The following NRXN3 variants were observed in gnomAD, a reference collection of about 807,000 sequenced individuals.
NRXN3 encodes neurexin III.
NRXN3 carries 32 observed loss-of-function variants against 137.6 expected under a neutral mutation model. That is an observed-to-expected ratio of 0.23 (90% CI 0.18 to 0.31). The LOEUF (loss-of-function observed/expected upper bound fraction) is 0.31, where lower values mean the gene tolerates loss of function less well. Among genes scored for constraint, NRXN3 ranks in the 10% least tolerant of loss-of-function variants. The pLI, the probability that NRXN3 is intolerant of heterozygous loss-of-function variation, is 1.00. For missense variants in NRXN3, 1,574 were observed against 2,062.5 expected (o/e 0.76, Z 4.59); for synonymous variants, 798 against 784.5 (o/e 1.02, Z -0.29).
chr14:79,143,053 A>G (rs2058963971), intron 15 of NRXN3, among the ~76,000 whole-genome samples: 1 of 152,222 alleles, frequency 6.6e-6, no homozygotes, highest in African/African-American at 2.4e-5. Flanking sequence ...GTATCTTCAT[A>G]TAAAAGCAGT....
chr14:79,577,735 C>T (rs185800340), intron 16 of NRXN3, among the ~76,000 whole-genome samples: 226 of 152,286 alleles, frequency 1.5e-3, no homozygotes, highest in African/African-American at 5.1e-3. Flanking sequence ...GAGCTCCATA[C>T]ATGTGTATTG....
At chr14:78,476,108 T>G (rs2095372868) in intron 4 of NRXN3, among the ~76,000 whole-genome samples, 3 of 152,226 alleles carry the variant, frequency 2.0e-5, no homozygotes, top group African/African-American at 7.2e-5. Context: ...ACAAATCCAT[T>G]AAACTAATAC....
At chr14:79,315,456 G>A (rs2088374339) in intron 15 of NRXN3, among the ~76,000 whole-genome samples, 1 of 152,132 alleles carries the variant, frequency 6.6e-6, no homozygotes, top group Non-Finnish European at 1.5e-5. Context: ...AGTTTAAACA[G>A]CCTTTACAGA....
intron 15 of NRXN3, among the ~76,000 whole-genome samples, chr14:79,164,739 A>G (rs1486108740): frequency 1.3e-5 from 2 of 152,022 alleles, no homozygotes; most frequent in Non-Finnish European, 2.9e-5. Context: ...AAGAGAAATT[A>G]ACAGGTCATT....
chr14:78,213,099 G>A (rs1364763778), intron 1 of NRXN3, among the ~76,000 whole-genome samples: 3 of 152,164 alleles, frequency 2.0e-5, no homozygotes, highest in Non-Finnish European at 2.9e-5. Flanking sequence ...AACTCATCTA[G>A]TGCTTTCCTT....
rs191476725 is a variant in NRXN3 at position 78,243,090 on chromosome 14, G to A, written c.-4G>A. Reference sequence around the variant, plus strand: ...CTCCTCCGGGCTCTGTCCCAGCAGCGACAATGAGCTCCACACTCCACTCGG... The same window carrying A: ...CTCCTCCGGGCTCTGTCCCAGCAGCAACAATGAGCTCCACACTCCACTCGG... On this transcript the variant is annotated 5_prime_UTR_variant, in exon 2 of 21. Transcript: ENST00000335750. The surrounding 1 kb of genome is among the most constrained non-coding windows in gnomAD (Gnocchi z 4.2). 4.6e-5 allele frequency: 70 copies of A among 1,510,902 alleles called. No homozygotes were observed. In the African/African-American group the frequency reaches 5.0e-4, roughly 11 times the overall value. 93.6% of individuals were successfully genotyped at this position (1,510,902 alleles called of 1,614,324 possible). A position where few individuals can be genotyped will look rare whatever the true frequency, so the allele number is the denominator to read the frequency against.
chr14:79,200,403 G>A (rs74634223), intron 15 of NRXN3, among the ~76,000 whole-genome samples: 1 of 152,144 alleles, frequency 6.6e-6, no homozygotes, highest in Non-Finnish European at 1.5e-5. Context: ...AAGAGAGAAG[G>A]GGTGGTCAGA....
At chr14:78,676,200 A>G (rs1480420650) in intron 6 of NRXN3, among the ~76,000 whole-genome samples, 2 of 152,056 alleles carry the variant, frequency 1.3e-5, no homozygotes, top group Non-Finnish European at 2.9e-5. Flanking sequence ...ATCAAAAGCT[A>G]AAAATTAATA....
intron 4 of NRXN3, among the ~76,000 whole-genome samples, chr14:78,324,334 T>C (rs2079775735): frequency 6.6e-6 from 1 of 152,028 alleles, no homozygotes; most frequent in African/African-American, 2.4e-5. Flanking sequence ...TACTAGGACA[T>C]AGTGGAGCAT....
chr14:78,736,612 T>C (rs375272963), intron 8 of NRXN3, among the ~76,000 whole-genome samples: 3 of 152,246 alleles, frequency 2.0e-5, no homozygotes, highest in Non-Finnish European at 2.9e-5. Context: ...CCAACTCTAA[T>C]AGTAATAAGG....
intron 16 of NRXN3, among the ~76,000 whole-genome samples, chr14:79,611,197 A>G (rs946351224): frequency 1.3e-5 from 2 of 152,242 alleles, no homozygotes; most frequent in African/African-American, 4.8e-5. Flanking sequence ...CTCAGTTGCT[A>G]AAGAGATAGA....
intron 16 of NRXN3, among the ~76,000 whole-genome samples, chr14:79,500,693 T>C (rs981329038): frequency 3.9e-5 from 6 of 152,218 alleles, no homozygotes; most frequent in African/African-American, 4.8e-5. Context: ...GCTATTTCCC[T>C]GTCATACTGG....
intron 2 of NRXN3, among the ~76,000 whole-genome samples, chr14:78,256,471 A>C (rs977567606): frequency 6.6e-6 from 1 of 152,256 alleles, no homozygotes; most frequent in Admixed American, 6.5e-5. Flanking sequence ...ATGTGCCAGC[A>C]TGTGCATGCC....
In NRXN3 at chr14:78,898,673, A is replaced by G. The variant is rs192341689; in HGVS notation, c.2276-58569A>G. Among the ~76,000 whole-genome samples, 153 of 150,008 alleles carry G rather than the reference A, an allele frequency of 1.0e-3. 1 individual carries two copies. The Middle Eastern group carries it at 0.017, about 17-fold the overall frequency. On this transcript the variant is annotated intron_variant, in intron 10 of 20. Transcript: ENST00000335750. ...TTCCTCCTCTCTATATTCCATCTCT[A>G]CTTTTTGTTTATAACAAGTTATTTA... is the stretch of plus-strand genomic sequence containing the variant.
chr14:79,044,829 T>G lies in NRXN3; in HGVS notation c.3262+56688T>G, dbSNP rs1437258792. 5.3e-5 allele frequency among the ~76,000 whole-genome samples: 8 copies of G among 151,714 alleles called. No homozygotes were observed. In the East Asian group the frequency reaches 9.7e-4, roughly 18 times the overall value. ...GCTTTCTGATTAGCACCTCTAGTTT[T>G]TTTTTTTTTTTTCTTCCCACTCCTG... On this transcript the variant is annotated intron_variant, in intron 15 of 20. Coordinates refer to ENST00000335750, the MANE Select transcript of NRXN3 (RefSeq NM_001330195.2).
At chr14:78,618,098 T>C (rs1326820591) in intron 4 of NRXN3, among the ~76,000 whole-genome samples, 1 of 152,022 alleles carries the variant, frequency 6.6e-6, no homozygotes, top group Non-Finnish European at 1.5e-5. Flanking sequence ...GAAAAGTTAT[T>C]TGTACTTGTG....
intron 16 of NRXN3, among the ~76,000 whole-genome samples, chr14:79,550,152 G>A (rs866107142): frequency 6.6e-6 from 1 of 151,886 alleles, no homozygotes; most frequent in African/African-American, 2.4e-5. Context: ...TTATTTTTTA[G>A]TAGAGACGAG....
intron 6 of NRXN3, among the ~76,000 whole-genome samples, chr14:78,700,317 G>A (rs2098266795): frequency 6.6e-6 from 1 of 152,168 alleles, no homozygotes; most frequent in African/African-American, 2.4e-5. Context: ...TCAATTTCTG[G>A]CTCTCAGTGA....
chr14:78,780,225 C>G (rs1422269496), intron 8 of NRXN3, among the ~76,000 whole-genome samples: 1 of 151,942 alleles, frequency 6.6e-6, no homozygotes, highest in African/African-American at 2.4e-5. Flanking sequence ...AACTAGTCAA[C>G]CTATGATGCT....
Sources: allele counts gnomAD v4.1 joint callset (sites outside exome capture counted in the v4.1 genomes callset), GRCh38; gene constraint gnomAD v4.1.1; non-coding constraint Gnocchi (gnomAD v3.1); transcripts MANE v1.5; gene names NCBI Gene and HGNC (gene_info 2026-07-23, HGNC 2026-07-21).